The following BTBD7 variants were observed in gnomAD, a reference collection of about 807,000 sequenced individuals.
BTBD7 encodes the protein BTB/POZ domain-containing protein 7.
BTBD7 carries 38 observed loss-of-function variants against 99.9 expected under a neutral mutation model. That is an observed-to-expected ratio of 0.38 (90% CI 0.29 to 0.50). The LOEUF is 0.50. Among genes scored for constraint, BTBD7 ranks in the 20% least tolerant of loss-of-function variants. The probability of loss-of-function intolerance (pLI) is 0.93; values close to 1 mark genes in which losing one functional copy is unlikely to be tolerated. For synonymous variants in BTBD7, 520 were observed against 511.4 expected (o/e 1.02, Z -0.23); for missense variants, 1,170 against 1,394.6 (o/e 0.84, Z 2.57).
At chr14:93,290,277 A>G (rs1279787063) in intron 3 of BTBD7, among the ~76,000 whole-genome samples, 3 of 150,296 alleles carry the variant, frequency 2.0e-5, no homozygotes, top group Non-Finnish European at 4.4e-5. Context: ...CAGTGGTGCG[A>G]TCTCAGCTCA....
intron 3 of BTBD7, among the ~76,000 whole-genome samples, chr14:93,283,712 C>T (rs768928499): frequency 1.2e-4 from 18 of 152,028 alleles, no homozygotes; most frequent in Non-Finnish European, 2.5e-4. Flanking sequence ...CCACCATGCC[C>T]GGCTGATTTT....
intron 9 of BTBD7, 52 bp from the exon 10 acceptor site, chr14:93,246,338 A>G: frequency 6.8e-7 from 1 of 1,465,142 alleles, no homozygotes; most frequent in Non-Finnish European, 9.0e-7. Flanking sequence ...AGATTTCATA[A>G]GTGGAAATTT....
At chr14:93,272,404 C>T (rs573292463) in intron 3 of BTBD7, among the ~76,000 whole-genome samples, 2 of 152,294 alleles carry the variant, frequency 1.3e-5, no homozygotes, top group African/African-American at 2.4e-5. Context: ...CCCTATAAAT[C>T]TTTAATTTCT....
At chr14:93,255,206 C>T (rs1000310744) in intron 6 of BTBD7, among the ~76,000 whole-genome samples, 3 of 152,142 alleles carry the variant, frequency 2.0e-5, no homozygotes, top group Non-Finnish European at 4.4e-5. Context: ...AGGGCAATGG[C>T]GAGATCTTGG....
chr14:93,316,943 C>T (rs562328807), intron 1 of BTBD7, among the ~76,000 whole-genome samples: 59 of 152,258 alleles, frequency 3.9e-4, no homozygotes, highest in African/African-American at 1.4e-3. Flanking sequence ...TAGGCAGTCA[C>T]CAAGTCATGC....
At chr14:93,273,368 C>T (rs2052620292) in intron 3 of BTBD7, among the ~76,000 whole-genome samples, 1 of 152,326 alleles carries the variant, frequency 6.6e-6, no homozygotes, top group African/African-American at 2.4e-5. Flanking sequence ...TAAATCTAGG[C>T]ATTCTTCAAA....
intron 1 of BTBD7, among the ~76,000 whole-genome samples, chr14:93,302,754 A>G (rs1165710207): frequency 6.6e-6 from 1 of 152,162 alleles, no homozygotes. Flanking sequence ...CTGAGACAGA[A>G]GAATCGCTTG....
At chr14:93,332,676 G>T in intron 1 of BTBD7, 144 bp downstream of exon 1, 1 of 1,202,028 alleles carries the variant, frequency 8.3e-7, no homozygotes, top group South Asian at 2.5e-5. Context: ...CTCCCCGCCC[G>T]GCGCCCCAGC....
rs931259266 is a variant in BTBD7 at position 93,318,624 on chromosome 14, CT to C, written c.-107+14195del. Among the ~76,000 whole-genome samples, 27 of 152,208 alleles carry C rather than the reference CT, an allele frequency of 1.8e-4. No individual in the cohort carries two copies. In the Middle Eastern group the frequency reaches 0.014, roughly 77 times the overall value. ...TTTGGGGGCTGGAAAAGAAAGAGAA[CT>C]GAGTAAAGGAGAGTATAAAAACACA... On this transcript the variant is annotated intron_variant, in intron 1 of 10. Coordinates refer to ENST00000334746, the MANE Select transcript of BTBD7 (RefSeq NM_001002860.4).
chr14:93,325,963 A>G (rs1019504727), intron 1 of BTBD7, among the ~76,000 whole-genome samples: 3 of 152,254 alleles, frequency 2.0e-5, no homozygotes, highest in East Asian at 1.9e-4. Flanking sequence ...TAAAGTTACT[A>G]TATTATTTGA....
intron 8 of BTBD7, 103 bp from the exon 9 acceptor site, chr14:93,248,757 T>A: frequency 9.8e-7 from 1 of 1,015,870 alleles, no homozygotes; most frequent in Non-Finnish European, 1.4e-6. Context: ...CAGAATCTTA[T>A]AAGTTTTTAA....
At chr14:93,267,449 T>C (rs2052554767) in intron 3 of BTBD7, among the ~76,000 whole-genome samples, 1 of 152,224 alleles carries the variant, frequency 6.6e-6, no homozygotes, top group African/African-American at 2.4e-5. Flanking sequence ...CACTCTACAT[T>C]TGCTCAAACA....
At chr14:93,269,431 G>A (rs17128972) in intron 3 of BTBD7, among the ~76,000 whole-genome samples, 5,837 of 152,230 alleles carry the variant, frequency 0.038, 149 homozygotes, top group South Asian at 0.078. Context: ...CTGTAGGTAC[G>A]AAACCATCAG....
At chr14:93,252,234 C>A (rs143138799) in intron 7 of BTBD7, among the ~76,000 whole-genome samples, 1 of 151,206 alleles carries the variant, frequency 6.6e-6, no homozygotes, top group Non-Finnish European at 1.5e-5. Context: ...TGCTTGAACT[C>A]GGGAGGAGAA....
At position 93,243,177 on chromosome 14, in the gene BTBD7, T is replaced by C. The variant is rs1433812928; in HGVS notation, c.2584-89A>G. 4.0e-6 allele frequency: 5 copies of C among 1,236,492 alleles called. No homozygotes were observed. The African/African-American group carries it at 4.6e-5, about 11-fold the overall frequency. 76.6% of individuals were successfully genotyped at this position (1,236,492 alleles called of 1,614,324 possible). ...GTTCACTGATTTTGTTTCCCAATTA[T>C]AAAATTAACACATTCTGTTTTTGTT... On this transcript the variant is annotated intron_variant, in intron 10 of 10. Coordinates refer to ENST00000334746, the MANE Select transcript of BTBD7 (RefSeq NM_001002860.4).
Position 93,296,650 on chromosome 14 carries a change from A to C in BTBD7, c.-106-493T>G, listed in dbSNP as rs73341816. ...TAAAAATCAATCTTTAATCTGTATA[A>C]TTAGGCATTTTACTAAAAGAGGGAG... On this transcript the variant is annotated intron_variant, in intron 1 of 10. Transcript: ENST00000334746. 4.0e-3 allele frequency among the ~76,000 whole-genome samples: 604 copies of C among 152,326 alleles called. 2 individuals carry two copies. The highest frequency in any genetic ancestry group is 0.014 in the African/African-American group (565 of 41,580).
intron 3 of BTBD7, among the ~76,000 whole-genome samples, chr14:93,278,599 C>T (rs923572948): frequency 6.6e-6 from 1 of 152,132 alleles, no homozygotes; most frequent in African/African-American, 2.4e-5. Context: ...TTGGCCTTAA[C>T]ACTTTCTAGC....
At chr14:93,296,193 T>C (rs1195877136) in intron 1 of BTBD7, 36 bp from the exon 2 acceptor site, 19 of 1,276,088 alleles carry the variant, frequency 1.5e-5, no homozygotes, top group Non-Finnish European at 1.9e-5. Context: ...ATTCATTTTT[T>C]CAAGTGTATC....
intron 7 of BTBD7, 67 bp downstream of exon 7, chr14:93,253,576 ACTAC>A: frequency 7.2e-7 from 1 of 1,383,624 alleles, no homozygotes. Context: ...TTTAAGTAAT[ACTAC>A]AGTGAACCAC....
Sources: gnomAD v4.1 joint callset for allele counts (sites outside exome capture counted in the v4.1 genomes callset) on GRCh38, gnomAD v4.1.1 for gene constraint, MANE v1.5 for transcripts, NCBI Gene and HGNC (gene_info 2026-07-23, HGNC 2026-07-21) for gene names.